Variants in RBFOX3 observed in about 807,000 individuals in gnomAD.
RBFOX3 encodes RNA binding fox-1 homolog 3, also known as RNA binding protein fox-1 homolog 3.
Under a neutral mutation model 48.7 loss-of-function variants are expected in RBFOX3, and 17 were observed. The observed-to-expected ratio is 0.35, with a 90% CI of 0.24 to 0.52. The LOEUF (loss-of-function observed/expected upper bound fraction) is 0.52. RBFOX3 is among the 20% of genes least tolerant of loss of function. The pLI is 0.94. For synonymous variants in RBFOX3, 212 were observed against 209.5 expected (o/e 1.01, Z -0.10); for missense variants, 382 against 497.5 (o/e 0.77, Z 2.21).
chr17:79,179,527 C>G (rs991255489), intron 4 of RBFOX3, among the ~76,000 whole-genome samples: 1 of 152,132 alleles, frequency 6.6e-6, no homozygotes, highest in Admixed American at 6.5e-5. Context: ...CCCTCTCCCC[C>G]GGCCAGCCCC....
Position 79,195,862 on chromosome 17 carries a change from C to T in RBFOX3, c.-34+39904G>A, listed in dbSNP as rs1013474616. Among the ~76,000 whole-genome samples the T allele has an allele frequency of 6.6e-6, 1 of 152,252 alleles. No homozygotes were observed. The highest frequency in any genetic ancestry group is 2.1e-4 in the South Asian group (1 of 4,832). On this transcript the variant is annotated intron_variant, in intron 4 of 14. Transcript: ENST00000693108. The surrounding 1 kb of genome is among the most constrained non-coding windows in gnomAD (Gnocchi z 5.3). ...TGCGGCTGCACTCGCTTGCATTTGG[C>T]TGCTGGGTGAGCTTATTGATTTTTC...
At chr17:79,413,052 T>C (rs527305938) in intron 2 of RBFOX3, among the ~76,000 whole-genome samples, 12 of 152,242 alleles carry the variant, frequency 7.9e-5, no homozygotes, top group African/African-American at 2.4e-4. Flanking sequence ...AGAAGGAAAA[T>C]TGGGCATTTT....
At chr17:79,147,925 C>A (rs979983541) in intron 4 of RBFOX3, among the ~76,000 whole-genome samples, 1 of 152,206 alleles carries the variant, frequency 6.6e-6, no homozygotes, top group Non-Finnish European at 1.5e-5. Context: ...TTGACTGATC[C>A]CCATCATTTC....
chr17:79,115,579 G>A lies in RBFOX3; in HGVS notation c.137C>T (p.Thr46Ile). The change falls in exon 5 of 15, where the codon ACC becomes ATC. Residue 46 changes from threonine (T) to isoleucine (I), a missense_variant. Thr to Ile is a moderately conservative substitution (Grantham distance 89). Around this residue, in one of 3 missense-constraint regions of RBFOX3, gnomAD observed 118 missense variants for 132.1 expected, o/e 0.89. Transcript: ENST00000693108. ...QTPVPTEHGMTLYTPAQTHPE... is the reference protein window; with the variant it reads ...QTPVPTEHGMILYTPAQTHPE... ...GTGGGTCTGTGCTGGTGTGTACAGGGTCATGCCATGCTCTGTGGGGACCGG... is the reference window on the plus strand; with the variant it reads ...GTGGGTCTGTGCTGGTGTGTACAGGATCATGCCATGCTCTGTGGGGACCGG... 7.0e-7 allele frequency: 1 copy of A among 1,428,846 alleles called. No homozygotes were observed. The highest frequency in any genetic ancestry group is 9.2e-7 in the Non-Finnish European group (1 of 1,091,086). The allele number at this position is 1,428,846 out of a possible 1,614,324, so 88.5% of individuals were successfully genotyped here.
At chr17:79,319,809 GTTGGTCTTGTCCAGGCTGCTGGTCTTGTC>G (rs2078189669) in intron 2 of RBFOX3, among the ~76,000 whole-genome samples, 1 of 61,808 alleles carries the variant, frequency 1.6e-5, no homozygotes, top group Admixed American at 1.6e-4. Flanking sequence ...TGTCTGGGCT[GTTGGTCTTGTCCAGGCTGCTGGTCTTGTC>G]CGGGCTGCTA....
chr17:79,116,928 G>A (rs1260439847), intron 4 of RBFOX3, among the ~76,000 whole-genome samples: 1 of 152,236 alleles, frequency 6.6e-6, no homozygotes, highest in African/African-American at 2.4e-5. Context: ...GTTCCAGGGC[G>A]CACCCCAGGC....
At chr17:79,237,264 C>A (rs2061739393) in intron 3 of RBFOX3, among the ~76,000 whole-genome samples, 2 of 152,196 alleles carry the variant, frequency 1.3e-5, no homozygotes, top group South Asian at 4.1e-4. Flanking sequence ...AAATCACCAC[C>A]ACCGTCTTCA....
chr17:79,357,800 G>T (rs1269261555), intron 2 of RBFOX3, among the ~76,000 whole-genome samples: 2 of 146,222 alleles, frequency 1.4e-5, no homozygotes, highest in Non-Finnish European at 1.5e-5. Flanking sequence ...TACCTCAAGG[G>T]TGTTTTTTTT....
chr17:79,429,874 C>T (rs117687346), intron 2 of RBFOX3, among the ~76,000 whole-genome samples: 3,171 of 152,258 alleles, frequency 0.021, 42 homozygotes, highest in Non-Finnish European at 0.029. Context: ...TCTATAAATT[C>T]GTGGTTCTGC....
rs934470956 is a variant in RBFOX3, at chr17:79,308,081, C to T, written c.-174-257G>A. Among the ~76,000 whole-genome samples the T allele has an allele frequency of 3.3e-5, 5 of 152,208 alleles. No homozygotes were observed. In the East Asian group the frequency reaches 5.8e-4, roughly 18 times the overall value. On this transcript the variant is annotated intron_variant, in intron 2 of 14. Transcript: ENST00000693108. The stretch of plus-strand genomic sequence containing the variant: ...CCCTGGATATTGTAGGTGAGACTCA[C>T]GGTATCAAAACCGAAGCTGGGGTCA...
At chr17:79,598,914 CCA>C (rs1350331081) in intron 1 of RBFOX3, 1 of 152,110 alleles carries the variant, frequency 6.6e-6, no homozygotes, top group African/African-American at 2.4e-5. Context: ...CATCTCAGTT[CCA>C]CAGAGTCCCA....
chr17:79,153,999 A>C (rs1448529348), intron 4 of RBFOX3, among the ~76,000 whole-genome samples: 1 of 152,146 alleles, frequency 6.6e-6, no homozygotes, highest in African/African-American at 2.4e-5. Context: ...GAGATGGTTA[A>C]AACAGCACAC....
chr17:79,158,214 C>T (rs1382451255), intron 4 of RBFOX3, among the ~76,000 whole-genome samples: 4 of 152,216 alleles, frequency 2.6e-5, no homozygotes, highest in African/African-American at 7.2e-5. Context: ...ACCCTGCCCA[C>T]ACCTGGACCT....
intron 1 of RBFOX3, among the ~76,000 whole-genome samples, chr17:79,517,217 A>T (rs2085363524): frequency 1.3e-5 from 2 of 152,264 alleles, no homozygotes; most frequent in African/African-American, 2.4e-5. Context: ...AAGCTGAGGC[A>T]GGTGGATTAC....
intron 1 of RBFOX3, among the ~76,000 whole-genome samples, chr17:79,555,848 CG>C (rs1385840936): frequency 2.2e-4 from 1 of 4,580 alleles, no homozygotes; most frequent in Non-Finnish European, 5.6e-4. Context: ...GTGATGGTAA[CG>C]GTGGTGATGA....
At chr17:79,445,268 G>A (rs577750857) in intron 2 of RBFOX3, among the ~76,000 whole-genome samples, 1 of 152,280 alleles carries the variant, frequency 6.6e-6, no homozygotes, top group African/African-American at 2.4e-5. Context: ...ATATTAGGGA[G>A]CACATTTTCT....
chr17:79,472,592 A>T (rs1040274383), intron 2 of RBFOX3, among the ~76,000 whole-genome samples: 1 of 152,196 alleles, frequency 6.6e-6, no homozygotes, highest in Non-Finnish European at 1.5e-5. Context: ...AAGGAAACCA[A>T]TGCTGCCAAC....
intron 1 of RBFOX3, among the ~76,000 whole-genome samples, chr17:79,595,931 C>G (rs1028608978): frequency 1.3e-5 from 2 of 152,216 alleles, no homozygotes; most frequent in Admixed American, 6.5e-5. Flanking sequence ...TAATCACGAG[C>G]GTACTCCCCT....
intron 4 of RBFOX3, among the ~76,000 whole-genome samples, chr17:79,139,079 TGCACACAA>T (rs1016300387): frequency 7.0e-6 from 1 of 143,548 alleles, no homozygotes; most frequent in Non-Finnish European, 1.5e-5. Context: ...CACACACACA[TGCACACAA>T]GCACATGTTC....
Sources: allele counts gnomAD v4.1 joint callset (sites outside exome capture counted in the v4.1 genomes callset), GRCh38; gene constraint gnomAD v4.1.1; regional missense constraint gnomAD v4.1.1; non-coding constraint Gnocchi (gnomAD v3.1); transcripts MANE v1.5; gene names NCBI Gene and HGNC (gene_info 2026-07-23, HGNC 2026-07-21).